Variants in QRICH1 observed in about 807,000 individuals in gnomAD.
The protein encoded by QRICH1 is glutamine rich 1, also known as transcriptional regulator QRICH1.
Under a neutral mutation model 87.1 loss-of-function variants are expected in QRICH1, and 16 were observed. That is an observed-to-expected ratio of 0.18 (90% CI 0.12 to 0.28). QRICH1 has a LOEUF of 0.28. Among genes scored for constraint, QRICH1 ranks in the 10% least tolerant of loss-of-function variants. QRICH1 has a pLI of 1.00. For missense variants in QRICH1, 647 were observed against 951.7 expected (o/e 0.68, Z 4.21); for synonymous variants, 367 against 368.4 (o/e 1.00, Z 0.05).
rs146205564 is a variant in QRICH1 at position 49,035,092 on chromosome 3, T to C, written c.1787-1864A>G. Reference sequence around the variant, plus strand: ...TGACCCAGTGGCAATGGGAAAAGCTTTTCTGCTCTTAGACATATCTGAAGC... The same window carrying C: ...TGACCCAGTGGCAATGGGAAAAGCTCTTCTGCTCTTAGACATATCTGAAGC... On this transcript the variant is annotated intron_variant, in intron 6 of 9. Coordinates refer to ENST00000395443, the MANE Select transcript of QRICH1 (RefSeq NM_198880.3). Among the ~76,000 whole-genome samples, 1,208 of 152,264 alleles carry C rather than the reference T, an allele frequency of 7.9e-3. 19 individuals are homozygous for C. The highest frequency in any genetic ancestry group is 6.6e-3 in the South Asian group (32 of 4,816).
intron 2 of QRICH1, among the ~76,000 whole-genome samples, chr3:49,071,814 TC>T (rs1424406138): frequency 6.6e-6 from 1 of 152,114 alleles, no homozygotes; most frequent in Non-Finnish European, 1.5e-5. Context: ...CACTTCAGCC[TC>T]CCCAGTACCT....
intron 5 of QRICH1, among the ~76,000 whole-genome samples, chr3:49,046,058 G>C (rs1451387683): frequency 6.6e-6 from 1 of 151,762 alleles, no homozygotes; most frequent in African/African-American, 2.4e-5. Flanking sequence ...AGGGATTATA[G>C]GCAGTGCACC....
At chr3:49,045,676 T>C (rs771437947) in intron 5 of QRICH1, among the ~76,000 whole-genome samples, 1 of 152,074 alleles carries the variant, frequency 6.6e-6, no homozygotes, top group Non-Finnish European at 1.5e-5. Context: ...CATGACTCAC[T>C]ACAGCCCCAA....
intron 2 of QRICH1, among the ~76,000 whole-genome samples, chr3:49,059,255 A>G (rs1392428857): frequency 6.6e-6 from 1 of 151,556 alleles, no homozygotes. Context: ...GTGAGCCATC[A>G]CAAGGGACCG....
At chr3:49,049,490 T>C (rs1031307340) in intron 3 of QRICH1, among the ~76,000 whole-genome samples, 1 of 151,964 alleles carries the variant, frequency 6.6e-6, no homozygotes, top group Non-Finnish European at 1.5e-5. Flanking sequence ...TGTTAAAATA[T>C]TTCCAACTTT....
chr3:49,068,257 T>A (rs2093479384), intron 2 of QRICH1, among the ~76,000 whole-genome samples: 1 of 151,928 alleles, frequency 6.6e-6, no homozygotes, highest in South Asian at 2.1e-4. Context: ...CTCCAGAGGC[T>A]GAAATGGCAG....
Position 49,030,855 on chromosome 3 carries a change from C to T in QRICH1, c.2139-211G>A, listed in dbSNP as rs556279191. The stretch of plus-strand genomic sequence containing the variant: ...AAATGTTGGGTTACTTCCCCTCTGC[C>T]CCTCCTTCCCACAAACCAGCTGTGA... On this transcript the variant is annotated intron_variant, in intron 9 of 9. Transcript: ENST00000395443. Among the ~76,000 whole-genome samples, 14 of 152,272 alleles carry T rather than the reference C, an allele frequency of 9.2e-5. No individual in the cohort carries two copies. In the South Asian group the frequency reaches 2.9e-3, roughly 32 times the overall value.
rs550488546 is a variant in QRICH1 at position 49,069,227 on chromosome 3, C to T, written c.309+7482G>A. Reference sequence around the variant, plus strand: ...CAAGCAATTCTCTGCCTCAGCCTCCCGAGTAGCTGGGATTACAGGTGCCCA... The same window carrying T: ...CAAGCAATTCTCTGCCTCAGCCTCCTGAGTAGCTGGGATTACAGGTGCCCA... On this transcript the variant is annotated intron_variant, in intron 2 of 9. Transcript: ENST00000395443. Among the ~76,000 whole-genome samples the T allele has an allele frequency of 3.3e-5, 5 of 151,244 alleles. No homozygotes were observed. In the East Asian group the frequency reaches 7.8e-4, roughly 24 times the overall value.
intron 6 of QRICH1, among the ~76,000 whole-genome samples, chr3:49,041,586 C>G (rs1241607655): frequency 6.6e-6 from 1 of 151,996 alleles, no homozygotes; most frequent in Admixed American, 6.6e-5. Context: ...CCTCGGTCTC[C>G]CAAAGTGCTA....
At chr3:49,072,723 G>A (rs971868307) in intron 2 of QRICH1, among the ~76,000 whole-genome samples, 5 of 151,922 alleles carry the variant, frequency 3.3e-5, no homozygotes, top group South Asian at 2.1e-4. Flanking sequence ...CAATATACTC[G>A]TCTGCATTTT....
Position 49,057,697 on chromosome 3 carries a change from T to C in QRICH1, c.503A>G (p.Gln168Arg). ...SPSPSQLQAA[Q>R]IQVQHVQAAQ... ...TGCTTGCACGTGCTGCACCTGGATC[T>C]GAGCTGCTTGCAGCTGCGAGGGACT... Residue 168 changes from glutamine (Q) to arginine (R), a missense_variant, in exon 3 of 10, where the codon CAG becomes CGG. Around this residue, in one of 7 missense-constraint regions of QRICH1, gnomAD observed 156 missense variants for 164.5 expected, o/e 0.95. Transcript: ENST00000395443. The surrounding 1 kb of genome is among the most constrained non-coding windows in gnomAD (Gnocchi z 5.4). The C allele has an allele frequency of 6.2e-7, 1 of 1,614,236 alleles. No individual in the cohort carries two copies. The highest frequency in any genetic ancestry group is 8.5e-7 in the Non-Finnish European group (1 of 1,180,046).
At chr3:49,054,930 T>C (rs1169796429) in intron 3 of QRICH1, among the ~76,000 whole-genome samples, 2 of 152,148 alleles carry the variant, frequency 1.3e-5, no homozygotes, top group Non-Finnish European at 2.9e-5. Flanking sequence ...TCAAACGTCA[T>C]TTTGTCCACA....
At chr3:49,083,596 A>AATTT (rs1160864369) in intron 1 of QRICH1, 4 of 151,820 alleles carry the variant, frequency 2.6e-5, no homozygotes, top group African/African-American at 4.8e-5. Context: ...CCATAAAACC[A>AATTT]TTAGAAAATA....
At chr3:49,066,063 C>T (rs1265261475) in intron 2 of QRICH1, among the ~76,000 whole-genome samples, 1 of 152,076 alleles carries the variant, frequency 6.6e-6, no homozygotes. Context: ...AGCTGGTGGA[C>T]TGCTTGAGCT....
chr3:49,078,551 C>G (rs1342655905), intron 1 of QRICH1, among the ~76,000 whole-genome samples: 2 of 144,990 alleles, frequency 1.4e-5, no homozygotes, highest in Non-Finnish European at 3.0e-5. Flanking sequence ...CCCACCACCA[C>G]GCCCAGCTAA....
At chr3:49,062,783 G>A (rs1488088293) in intron 2 of QRICH1, among the ~76,000 whole-genome samples, 4 of 151,596 alleles carry the variant, frequency 2.6e-5, no homozygotes, top group African/African-American at 4.8e-5. Flanking sequence ...CGAGGCAGGC[G>A]GATCATGAGG....
chr3:49,048,861 T>C (rs1451705156), intron 3 of QRICH1, among the ~76,000 whole-genome samples: 8 of 146,370 alleles, frequency 5.5e-5, no homozygotes, highest in Admixed American at 4.1e-4. Flanking sequence ...CATTGTAAGG[T>C]AGAGGCACAT....
intron 9 of QRICH1, among the ~76,000 whole-genome samples, chr3:49,031,329 G>C (rs375282764): frequency 9.2e-5 from 14 of 152,058 alleles, no homozygotes; most frequent in African/African-American, 3.4e-4. Flanking sequence ...CCATTACAGT[G>C]GGGCCCTAAA....
At chr3:49,061,437 C>A (rs2093434261) in intron 2 of QRICH1, among the ~76,000 whole-genome samples, 1 of 151,884 alleles carries the variant, frequency 6.6e-6, no homozygotes, top group South Asian at 2.1e-4. Context: ...TGTCAGCATG[C>A]AAAAGAGCAT....
Sources: gnomAD v4.1 joint callset for allele counts (sites outside exome capture counted in the v4.1 genomes callset) on GRCh38, gnomAD v4.1.1 for gene constraint, gnomAD v4.1.1 regional missense constraint, Gnocchi (gnomAD v3.1) non-coding constraint, MANE v1.5 for transcripts, NCBI Gene and HGNC (gene_info 2026-07-23, HGNC 2026-07-21) for gene names.